CNTNAP2: variants seen among roughly 807,000 people sequenced by gnomAD.
CNTNAP2 encodes the protein contactin-associated protein-like 2.
Under a neutral mutation model 155.2 loss-of-function variants are expected in CNTNAP2, and 98 were observed. The ratio of observed to expected loss-of-function variants is 0.63; its 90% confidence interval spans 0.54 to 0.75. CNTNAP2 has a LOEUF of 0.75. Ranked by LOEUF, CNTNAP2 falls within the 30% of genes least tolerant of loss-of-function variation. CNTNAP2 has a pLI of 0.00. For synonymous variants in CNTNAP2, 651 were observed against 631.2 expected, an observed-to-expected ratio of 1.03 and a Z score of -0.47; for missense variants, 1,727 against 1,688.1, an observed-to-expected ratio of 1.02 and a Z score of -0.40.
At chr7:146,812,914 C>T (rs1298890012) in intron 2 of CNTNAP2, among the ~76,000 whole-genome samples, 1 of 152,032 alleles carries the variant, frequency 6.6e-6, no homozygotes, top group Non-Finnish European at 1.5e-5. Context: ...TAAAAAGGGC[C>T]AAAGTACACC....
At chr7:147,011,524 G>T (rs1798624330) in intron 3 of CNTNAP2, among the ~76,000 whole-genome samples, 1 of 151,780 alleles carries the variant, frequency 6.6e-6, no homozygotes, top group South Asian at 2.1e-4. Context: ...TGTGACATGG[G>T]ATTCTGAACT....
chr7:146,964,970 A>T (rs1367470203), intron 3 of CNTNAP2, among the ~76,000 whole-genome samples: 2 of 152,198 alleles, frequency 1.3e-5, no homozygotes, highest in Non-Finnish European at 1.5e-5. Flanking sequence ...AAAAAAACAA[A>T]ACAAAACAAA....
intron 1 of CNTNAP2, among the ~76,000 whole-genome samples, chr7:146,519,522 G>A (rs921705682): frequency 1.3e-5 from 2 of 151,898 alleles, no homozygotes; most frequent in Non-Finnish European, 2.9e-5. Flanking sequence ...ACTGGACTGA[G>A]GCATTCACAT....
intron 1 of CNTNAP2, among the ~76,000 whole-genome samples, chr7:146,501,124 G>C (rs146011136): frequency 8.6e-5 from 13 of 152,012 alleles, no homozygotes; most frequent in Admixed American, 8.5e-4. Flanking sequence ...CAGTCTGCTA[G>C]TATTTTTGTT....
At chr7:146,134,217 T>C (rs1797762165) in intron 1 of CNTNAP2, among the ~76,000 whole-genome samples, 2 of 151,832 alleles carry the variant, frequency 1.3e-5, no homozygotes, top group South Asian at 2.1e-4. Flanking sequence ...TGTTTGTCTG[T>C]TGTTGGTGTA....
intron 13 of CNTNAP2, among the ~76,000 whole-genome samples, chr7:147,702,773 GC>G (rs1247611472): frequency 7.9e-5 from 12 of 152,164 alleles, no homozygotes; most frequent in African/African-American, 2.9e-4. Context: ...GCCACAGAGG[GC>G]CCCAAGTTCA....
intron 1 of CNTNAP2, among the ~76,000 whole-genome samples, chr7:146,552,384 A>T (rs985642787): frequency 6.6e-6 from 1 of 152,054 alleles, no homozygotes; most frequent in East Asian, 1.9e-4. Flanking sequence ...GTCTCTTCTC[A>T]GTTTCTCTCT....
chr7:148,048,743 C>G (rs1350281745), intron 15 of CNTNAP2, among the ~76,000 whole-genome samples: 1 of 152,160 alleles, frequency 6.6e-6, no homozygotes, highest in South Asian at 2.1e-4. Context: ...AAACCAGAAG[C>G]AAACCTTGGC....
chr7:146,781,953 G>T (rs778127560), intron 2 of CNTNAP2, among the ~76,000 whole-genome samples: 3 of 152,146 alleles, frequency 2.0e-5, no homozygotes, highest in Non-Finnish European at 4.4e-5. Flanking sequence ...TCTAGTCCGT[G>T]ATGTACTCCT....
At chr7:146,478,746 A>C (rs1311427663) in intron 1 of CNTNAP2, among the ~76,000 whole-genome samples, 1 of 151,958 alleles carries the variant, frequency 6.6e-6, no homozygotes, top group Non-Finnish European at 1.5e-5. Context: ...AAACACACAA[A>C]TGAATAAATA....
At position 146,674,834 on chromosome 7, in the gene CNTNAP2, G is replaced by T. The variant is rs567064737; in HGVS notation, c.98-99437G>T. Among the ~76,000 whole-genome samples, 105 of 152,312 alleles carry T rather than the reference G, an allele frequency of 6.9e-4. 1 individual carries two copies. Among genetic ancestry groups the T allele is most frequent in the Admixed American group, 2.4e-3 (37 of 15,302 alleles). ...AAATAAGGGCTATTTAGTAAGGTTT[G>T]TTATGCAACCTTAAGGCATCTCAGG... On this transcript the variant is annotated intron_variant, in intron 1 of 23. Coordinates refer to ENST00000361727, the MANE Select transcript of CNTNAP2 (RefSeq NM_014141.6).
intron 14 of CNTNAP2, among the ~76,000 whole-genome samples, chr7:147,955,675 C>T (rs549414098): frequency 1.3e-5 from 2 of 152,098 alleles, no homozygotes; most frequent in Admixed American, 6.6e-5. Flanking sequence ...CTGCTCCCCA[C>T]CTCAGCTATC....
At chr7:147,310,202 C>A (rs1294932984) in intron 9 of CNTNAP2, among the ~76,000 whole-genome samples, 3 of 151,946 alleles carry the variant, frequency 2.0e-5, no homozygotes, top group Non-Finnish European at 4.4e-5. Flanking sequence ...ATTCTACATG[C>A]CTTTGCCTTT....
At chr7:146,670,800 T>A (rs1010726160) in intron 1 of CNTNAP2, among the ~76,000 whole-genome samples, 1 of 152,088 alleles carries the variant, frequency 6.6e-6, no homozygotes, top group Non-Finnish European at 1.5e-5. Flanking sequence ...CTCACTATAG[T>A]CATAGCTAGC....
At chr7:147,655,783 A>G (rs1311544905) in intron 13 of CNTNAP2, among the ~76,000 whole-genome samples, 1 of 152,174 alleles carries the variant, frequency 6.6e-6, no homozygotes, top group Non-Finnish European at 1.5e-5. Context: ...CTTCATCTTC[A>G]AGTAACCTGC....
At position 147,772,472 on chromosome 7, in the gene CNTNAP2, A is replaced by G. The variant is rs1338844488; in HGVS notation, c.2099-131093A>G. Among the ~76,000 whole-genome samples, 35 of 129,458 alleles carry G rather than the reference A, an allele frequency of 2.7e-4. 2 individuals carry two copies. In the East Asian group the frequency reaches 6.7e-3, roughly 25 times the overall value. The allele number at this position is 129,458 out of a possible 152,430, so 84.9% of individuals were successfully genotyped here. ...TATATATATATATATATATATATAT[A>G]TATATATATATACACACACAAAAAA... is the stretch of plus-strand genomic sequence containing the variant. On this transcript the variant is annotated intron_variant, in intron 13 of 23. Transcript: ENST00000361727.
intron 3 of CNTNAP2, among the ~76,000 whole-genome samples, chr7:146,904,861 GT>G (rs1208955770): frequency 5.9e-5 from 9 of 152,152 alleles, no homozygotes; most frequent in East Asian, 3.9e-4. Flanking sequence ...TTTTCTTAAT[GT>G]GGAATAATTT....
chr7:147,610,839 A>G (rs1446005486), intron 12 of CNTNAP2, among the ~76,000 whole-genome samples: 1 of 152,044 alleles, frequency 6.6e-6, no homozygotes, highest in Non-Finnish European at 1.5e-5. Flanking sequence ...CCTGGGCTCA[A>G]GCGATTCTCC....
At chr7:148,061,061 A>T (rs1300584736) in intron 15 of CNTNAP2, among the ~76,000 whole-genome samples, 1 of 152,232 alleles carries the variant, frequency 6.6e-6, no homozygotes, top group Admixed American at 6.5e-5. Flanking sequence ...TAATTTTTTT[A>T]AATAAAAGAA....
Sources: gnomAD v4.1 joint callset for allele counts (sites outside exome capture counted in the v4.1 genomes callset) on GRCh38, gnomAD v4.1.1 for gene constraint, MANE v1.5 for transcripts, NCBI Gene and HGNC (gene_info 2026-07-23, HGNC 2026-07-21) for gene names.